Variants in FXYD6 observed in about 807,000 individuals in gnomAD.
The protein encoded by FXYD6 is FXYD domain containing ion transport regulator 6.
A neutral mutation model predicts 16.7 loss-of-function variants in FXYD6; 7 were observed. That is an observed-to-expected ratio of 0.42 (90% CI 0.24 to 0.79). The LOEUF (loss-of-function observed/expected upper bound fraction) is 0.79. Ranked by LOEUF, FXYD6 falls within the 30% of genes least tolerant of loss-of-function variation. The pLI, the probability that FXYD6 is intolerant of heterozygous loss-of-function variation, is 0.28. For missense variants in FXYD6, 111 were observed against 116.2 expected (o/e 0.95, Z 0.21); for synonymous variants, 49 against 43.0 (o/e 1.14, Z -0.54).
At chr11:117,850,463 A>C (rs781540696) in intron 1 of FXYD6, among the ~76,000 whole-genome samples, 2 of 152,190 alleles carry the variant, frequency 1.3e-5, no homozygotes, top group African/African-American at 2.4e-5. Flanking sequence ...TGCATCTTAT[A>C]AACAGCAAAG....
intron 1 of FXYD6, among the ~76,000 whole-genome samples, chr11:117,858,913 C>A (rs1202326813): frequency 6.6e-6 from 1 of 151,778 alleles, no homozygotes; most frequent in African/African-American, 2.4e-5. Flanking sequence ...GTAGCTGGGA[C>A]TACAGGTGCG....
At chr11:117,842,365 CAT>C in intron 2 of FXYD6, 1 of 558,288 alleles carries the variant, frequency 1.8e-6, no homozygotes, top group African/African-American at 1.9e-5. Context: ...CAAGGAAGGA[CAT>C]ATGACTTGCA....
Position 117,838,134 on chromosome 11 carries a change from A to G in FXYD6, c.*165T>C. The G allele has an allele frequency of 1.4e-6, 1 of 698,744 alleles. No individual in the cohort carries two copies. The highest frequency in any genetic ancestry group is 2.6e-6 in the Non-Finnish European group (1 of 383,194). 43.3% of individuals were successfully genotyped at this position (698,744 alleles called of 1,614,324 possible). On this transcript the variant is annotated 3_prime_UTR_variant, in exon 8 of 8. Coordinates refer to ENST00000526014, the MANE Select transcript of FXYD6 (RefSeq NM_022003.4). The stretch of plus-strand genomic sequence containing the variant: ...AAGTGTTAGTTGCATCATCAGGTGG[A>G]GGAATGGTGTTAGAGGGGATAGGGT...
chr11:117,857,016 G>A (rs2056744147), intron 1 of FXYD6, among the ~76,000 whole-genome samples: 1 of 152,180 alleles, frequency 6.6e-6, no homozygotes, highest in Non-Finnish European at 1.5e-5. Context: ...ATGCCAAAGG[G>A]AAGGGGGGTA....
chr11:117,844,185 A>G (rs1440961128), intron 1 of FXYD6: 1 of 152,478 alleles, frequency 6.6e-6, no homozygotes, highest in Non-Finnish European at 1.5e-5. Context: ...GACTGCATCC[A>G]CAGCCACGTC....
intron 1 of FXYD6, among the ~76,000 whole-genome samples, chr11:117,871,826 A>G (rs2057142776): frequency 6.6e-6 from 1 of 152,168 alleles, no homozygotes; most frequent in Admixed American, 6.5e-5. Context: ...AAAGTGAAGA[A>G]ATCCAGGAAG....
intron 1 of FXYD6, among the ~76,000 whole-genome samples, chr11:117,854,218 G>A (rs1167647464): frequency 6.6e-6 from 1 of 152,178 alleles, no homozygotes; most frequent in African/African-American, 2.4e-5. Flanking sequence ...TAGGGGCCAT[G>A]GTGTGAATAT....
chr11:117,853,745 G>T (rs1181070159), intron 1 of FXYD6, among the ~76,000 whole-genome samples: 1 of 152,104 alleles, frequency 6.6e-6, no homozygotes, highest in Non-Finnish European at 1.5e-5. Flanking sequence ...CTTCTGGCTC[G>T]GCCTCCTTAA....
chr11:117,842,938 CTTTT>C (rs149530999), intron 1 of FXYD6, among the ~76,000 whole-genome samples, 157 bp from the exon 2 acceptor site: 1 of 147,070 alleles, frequency 6.8e-6, no homozygotes, highest in South Asian at 2.2e-4. Flanking sequence ...AAGCAGTTGA[CTTTT>C]TTTTTTTTTG....
Position 117,841,201 on chromosome 11 carries a change from C to T in FXYD6, c.173-17G>A. On this transcript the variant is annotated splice_polypyrimidine_tract_variant and intron_variant, in intron 4 of 7. Transcript: ENST00000526014. The stretch of plus-strand genomic sequence containing the variant: ...ACCTGCGACCTGAAAAGCAAAGAAA[C>T]CATCCAAGGTCATGCTGCTGGCTTG... The T allele has an allele frequency of 6.2e-7, 1 of 1,614,114 alleles. No homozygotes were observed. Among genetic ancestry groups the T allele is most frequent in the South Asian group, 1.1e-5 (1 of 91,088 alleles).
At chr11:117,846,793 T>C (rs2056480302) in intron 1 of FXYD6, among the ~76,000 whole-genome samples, 1 of 152,226 alleles carries the variant, frequency 6.6e-6, no homozygotes, top group Non-Finnish European at 1.5e-5. Flanking sequence ...TCTTGCCACA[T>C]GGTAAGAGAA....
At chr11:117,853,357 G>A (rs1342358967) in intron 1 of FXYD6, among the ~76,000 whole-genome samples, 1 of 152,230 alleles carries the variant, frequency 6.6e-6, no homozygotes, top group Non-Finnish European at 1.5e-5. Flanking sequence ...CATGCAGGTA[G>A]TCTCAGGTTT....
chr11:117,852,081 C>T (rs7113933), intron 1 of FXYD6, among the ~76,000 whole-genome samples: 1,921 of 152,324 alleles, frequency 0.013, 28 homozygotes, highest in African/African-American at 0.042. Context: ...CTGACAGCTG[C>T]CCCTGGCCAG....
In FXYD6 at chr11:117,858,770, TTC is replaced by T. The variant is rs1565324130; in HGVS notation, c.-5-15991_-5-15990del. Among the ~76,000 whole-genome samples, 110 of 133,886 alleles carry T rather than the reference TTC, an allele frequency of 8.2e-4. 6 individuals are homozygous for T. The highest frequency in any genetic ancestry group is 1.1e-3 in the Non-Finnish European group (69 of 61,708). The allele number at this position is 133,886 out of a possible 152,430, so 87.8% of individuals were successfully genotyped here. A position where few individuals can be genotyped will look rare whatever the true frequency, so the allele number is the denominator to read the frequency against. On this transcript the variant is annotated intron_variant, in intron 1 of 7. Coordinates refer to ENST00000526014, the MANE Select transcript of FXYD6 (RefSeq NM_022003.4). ...CTTCCTTCCTTCCTTCCTTCCTTCC[TTC>T]CTTCCTTCTTTCTTTTCTTTTTTAG...
intron 2 of FXYD6, chr11:117,842,265 A>T (rs757778613): frequency 5.0e-6 from 3 of 604,616 alleles, no homozygotes; most frequent in Non-Finnish European, 8.8e-6. Flanking sequence ...GAGTCATGCA[A>T]CACCCACATT....
At chr11:117,864,518 G>A (rs980906699) in intron 1 of FXYD6, among the ~76,000 whole-genome samples, 5 of 152,126 alleles carry the variant, frequency 3.3e-5, no homozygotes, top group East Asian at 1.9e-4. Context: ...GCTTTATGAC[G>A]TTGGATATGG....
chr11:117,874,578 G>A (rs2057213279), intron 1 of FXYD6, among the ~76,000 whole-genome samples: 1 of 152,122 alleles, frequency 6.6e-6, no homozygotes, highest in Admixed American at 6.5e-5. Flanking sequence ...TGCCTCCCTG[G>A]CCTGGCCTCC....
chr11:117,854,477 A>G (rs2056679638), intron 1 of FXYD6, among the ~76,000 whole-genome samples: 1 of 152,208 alleles, frequency 6.6e-6, no homozygotes, highest in East Asian at 1.9e-4. Context: ...AATCCATTAC[A>G]CAAGCCAACA....
upstream of FXYD6, chr11:117,877,062 A>C (rs1205789253): frequency 6.6e-6 from 1 of 152,286 alleles, no homozygotes; most frequent in Non-Finnish European, 1.5e-5. Flanking sequence ...AGGGAGCAAG[A>C]CAGGCACAAT....
Sources: allele counts gnomAD v4.1 joint callset (sites outside exome capture counted in the v4.1 genomes callset), GRCh38; gene constraint gnomAD v4.1.1; transcripts MANE v1.5; gene names NCBI Gene and HGNC (gene_info 2026-07-23, HGNC 2026-07-21).